ATAD3B: variants seen among roughly 807,000 people sequenced by gnomAD.
ATAD3B encodes the protein ATPase family AAA domain containing 3B.
ATAD3B carries 59 observed loss-of-function variants against 70.2 expected under a neutral mutation model. The observed-to-expected ratio is 0.84, with a 90% CI of 0.68 to 1.04. The LOEUF (loss-of-function observed/expected upper bound fraction) is 1.04. Ranked by LOEUF, ATAD3B falls within the 50% of genes least tolerant of loss-of-function variation. ATAD3B has a pLI of 0.00. For missense variants in ATAD3B, 961 were observed against 913.4 expected, an observed-to-expected ratio of 1.05 and a Z score of -0.67; for synonymous variants, 423 against 388.6, an observed-to-expected ratio of 1.09 and a Z score of -1.04.
In ATAD3B at chr1:1,497,168, G is replaced by T. The variant is rs973874773; in HGVS notation, c.*1351G>T. On this transcript the variant is annotated 3_prime_UTR_variant, in exon 16 of 16. Coordinates refer to ENST00000673477, the MANE Select transcript of ATAD3B (RefSeq NM_031921.6). ...GGAGGGGGGCGGTCTACCTCTGCTC[G>T]CTCTCTCCATTTCTCTCTCTACCTC... The T allele has an allele frequency of 6.6e-6, 1 of 151,430 alleles. No homozygotes were observed. Among genetic ancestry groups the T allele is most frequent in the African/African-American group, 2.5e-5 (1 of 40,680 alleles). The allele number at this position is 151,430 out of a possible 1,614,324, so 9.4% of individuals were successfully genotyped here.
intron 8 of ATAD3B, among the ~76,000 whole-genome samples, chr1:1,485,474 A>C (rs1156577374): frequency 1.3e-5 from 2 of 152,184 alleles, no homozygotes; most frequent in East Asian, 3.9e-4. Flanking sequence ...GGAAGCTGCT[A>C]CAGGCCATGG....
At chr1:1,480,086 C>T (rs547873267) in intron 4 of ATAD3B, among the ~76,000 whole-genome samples, 4 of 146,684 alleles carry the variant, frequency 2.7e-5, no homozygotes, top group South Asian at 2.2e-4. Context: ...CATGGGCACA[C>T]GCGCACACCG....
intron 13 of ATAD3B, chr1:1,489,826 G>A: frequency 8.0e-7 from 1 of 1,250,612 alleles, no homozygotes; most frequent in South Asian, 1.4e-5. Context: ...TTCCCAGAGA[G>A]GCAAGGCTGG....
In ATAD3B at chr1:1,487,206, C is replaced by G. The variant is rs557804775; in HGVS notation, c.1214+538C>G. 1.4e-3 allele frequency among the ~76,000 whole-genome samples: 210 copies of G among 152,054 alleles called. 2 individuals are homozygous for G. Among genetic ancestry groups the G allele is most frequent in the Non-Finnish European group, 2.6e-3 (179 of 67,948 alleles). On this transcript the variant is annotated intron_variant, in intron 11 of 15. Coordinates refer to ENST00000673477, the MANE Select transcript of ATAD3B (RefSeq NM_031921.6). ...ACCTTTCACTTTAGAAGACCTGTCC[C>G]TGCGCCAGGCGTGGTGGCTCACGGC...
At chr1:1,483,185 C>T (rs1344524592) in intron 7 of ATAD3B, 2 of 372,020 alleles carry the variant, frequency 5.4e-6, no homozygotes, top group South Asian at 4.0e-5. Flanking sequence ...TGCCTGTAAT[C>T]TCGGGAGGCT....
the ATAD3B span, among the ~76,000 whole-genome samples, chr1:1,507,875 C>T: frequency 7.2e-5 from 11 of 152,252 alleles, no homozygotes; most frequent in African/African-American, 2.7e-4. Context: ...ACAGAGAGCT[C>T]CCGGGCCTGG....
the ATAD3B span, among the ~76,000 whole-genome samples, chr1:1,508,475 C>T: frequency 6.6e-6 from 1 of 151,416 alleles, no homozygotes. Context: ...CGGGAAGGGT[C>T]CCCTGCCCTG....
chr1:1,474,467 G>T (rs1301337769), intron 1 of ATAD3B, among the ~76,000 whole-genome samples: 2 of 151,522 alleles, frequency 1.3e-5, no homozygotes, highest in Non-Finnish European at 2.9e-5. Flanking sequence ...TGGGATTACA[G>T]ACGTGAGCCA....
rs1448767898 is a variant in ATAD3B at position 1,490,281 on chromosome 1, T to C, written c.1362T>C (p.Asn454=). The C allele has an allele frequency of 1.9e-6, 3 of 1,612,864 alleles. No homozygotes were observed. The highest frequency in any genetic ancestry group is 1.3e-5 in the African/African-American group (1 of 74,928). Residue 454 remains asparagine, a synonymous_variant, in exon 14 of 16, where the codon AAT becomes AAC. Coordinates refer to ENST00000673477, the MANE Select transcript of ATAD3B (RefSeq NM_031921.6). ...SNKFMLVLAS[N]LPEQFDCAIN... Reference sequence around the variant, plus strand: ...GATTCATGCTGGTCCTGGCCAGCAATCTGCCTGAGCAGTTCGACTGTGCCA... The same window carrying C: ...GATTCATGCTGGTCCTGGCCAGCAACCTGCCTGAGCAGTTCGACTGTGCCA...
chr1:1,487,564 C>T (rs1489692875), intron 11 of ATAD3B, among the ~76,000 whole-genome samples: 2 of 151,702 alleles, frequency 1.3e-5, no homozygotes, highest in Non-Finnish European at 2.9e-5. Context: ...GTGAAACCTG[C>T]AGGGCGGAGG....
chr1:1,503,537 G>T, the ATAD3B span: 7 of 1,571,474 alleles, frequency 4.5e-6, no homozygotes, highest in Admixed American at 1.8e-5. Flanking sequence ...CTGCCCAGCG[G>T]CATCCGTGTA....
At chr1:1,483,851 C>T (rs1640056639) in intron 7 of ATAD3B, 1 of 152,196 alleles carries the variant, frequency 6.6e-6, no homozygotes. Flanking sequence ...CCTCAGGTGA[C>T]ACCGTCTCAC....
intron 7 of ATAD3B, chr1:1,483,676 C>T (rs1297220253): frequency 6.6e-6 from 1 of 152,270 alleles, no homozygotes; most frequent in Non-Finnish European, 1.5e-5. Context: ...TGACCTGAGC[C>T]TGTAATCCCA....
chr1:1,487,204 C>T (rs1412334118), intron 11 of ATAD3B, among the ~76,000 whole-genome samples: 2 of 151,920 alleles, frequency 1.3e-5, no homozygotes, highest in Non-Finnish European at 2.9e-5. Flanking sequence ...GAAGACCTGT[C>T]CCTGCGCCAG....
chr1:1,474,137 A>C (rs1557789630), intron 1 of ATAD3B, among the ~76,000 whole-genome samples: 1 of 151,916 alleles, frequency 6.6e-6, no homozygotes, highest in African/African-American at 2.4e-5. Context: ...CAACCGTCTC[A>C]GCCTCCTGAG....
At chr1:1,508,492 C>T in the ATAD3B span, among the ~76,000 whole-genome samples, 2 of 151,426 alleles carry the variant, frequency 1.3e-5, no homozygotes, top group African/African-American at 4.9e-5. Context: ...CCTGTGCTTC[C>T]TCCAGGCGTC....
chr1:1,471,797 TCGCG>T lies in ATAD3B; in HGVS notation c.-87_-84del, dbSNP rs1639335569. 2 of 1,221,428 alleles carry T rather than the reference TCGCG, an allele frequency of 1.6e-6. No homozygotes were observed. The highest frequency in any genetic ancestry group is 3.2e-5 in the African/African-American group (2 of 63,100). 75.7% of individuals were successfully genotyped at this position (1,221,428 alleles called of 1,614,324 possible). ...CTGCGCAGTGGTCCTGGCCACCGGC[TCGCG>T]GCGCGTGGAGGCTGCTCCCAGCCGC... On this transcript the variant is annotated 5_prime_UTR_variant, in exon 1 of 16. Transcript: ENST00000673477.
intron 1 of ATAD3B, 40 bp from the exon 2 acceptor site, chr1:1,477,234 T>C: frequency 1.2e-6 from 2 of 1,609,316 alleles, no homozygotes; most frequent in South Asian, 2.2e-5. Flanking sequence ...TTGGTATCCG[T>C]GTATCCTACA....
intron 4 of ATAD3B, among the ~76,000 whole-genome samples, chr1:1,480,265 C>G (rs1557798078): frequency 7.2e-6 from 1 of 139,194 alleles, no homozygotes; most frequent in Admixed American, 7.3e-5. Flanking sequence ...CACACACGCC[C>G]TGCACACCCC....
Sources: allele counts gnomAD v4.1 joint callset (sites outside exome capture counted in the v4.1 genomes callset), GRCh38; gene constraint gnomAD v4.1.1; transcripts MANE v1.5; gene names NCBI Gene and HGNC (gene_info 2026-07-23, HGNC 2026-07-21).